Variants in ACOT7 observed in about 807,000 individuals in gnomAD.
The protein encoded by ACOT7 is acyl-CoA thioesterase 7, also known as cytosolic acyl coenzyme A thioester hydrolase.
A neutral mutation model predicts 40.2 loss-of-function variants in ACOT7; 12 were observed. The ratio of observed to expected loss-of-function variants is 0.30; its 90% CI spans 0.19 to 0.48. ACOT7 has a LOEUF of 0.48. Ranked by LOEUF, ACOT7 falls within the 20% of genes least tolerant of loss-of-function variation. ACOT7 has a pLI of 0.99. For missense variants in ACOT7, 395 were observed against 530.8 expected (o/e 0.74, Z 2.51); for synonymous variants, 228 against 219.5 (o/e 1.04, Z -0.34).
At chr1:6,372,907 A>C (rs778327689) in intron 1 of ACOT7, among the ~76,000 whole-genome samples, 4 of 152,102 alleles carry the variant, frequency 2.6e-5, no homozygotes, top group Non-Finnish European at 5.9e-5. Context: ...GGAACACTAG[A>C]GGTAGGGTAT....
In ACOT7 at chr1:6,358,625, C is replaced by T. The variant is rs535750703; in HGVS notation, c.144-8759G>A. ...AGGCCTGCACTTCCTATCCCAGCTT[C>T]GGCTGACCACCTAATCTTGGGGGTC... On this transcript the variant is annotated intron_variant, in intron 1 of 8. Coordinates refer to ENST00000361521, the MANE Select transcript of ACOT7 (RefSeq NM_007274.4). This position sits in a 1 kb window ranked among gnomAD's most constrained non-coding sequence, Gnocchi z 4.1. Among the ~76,000 whole-genome samples the T allele has an allele frequency of 5.9e-5, 9 of 152,320 alleles. No homozygotes were observed. The highest frequency in any genetic ancestry group is 2.0e-4 in the Admixed American group (3 of 15,310).
rs751402727 is a variant in ACOT7, at chr1:6,383,734, T to C, written c.143+9523A>G. 1.5e-4 allele frequency among the ~76,000 whole-genome samples: 23 copies of C among 151,540 alleles called. 1 individual carries two copies. The highest frequency in any genetic ancestry group is 1.5e-4 in the Non-Finnish European group (10 of 67,810). On this transcript the variant is annotated intron_variant, in intron 1 of 8. Transcript: ENST00000361521. ...TTTTTTTTTCTTTTGAGACGGAGTC[T>C]TGCTCCGTGGCCCAGGCTGGAGTGC...
At chr1:6,325,885 C>T (rs1166675503) in intron 5 of ACOT7, among the ~76,000 whole-genome samples, 6 of 152,198 alleles carry the variant, frequency 3.9e-5, no homozygotes, top group African/African-American at 4.8e-5. Flanking sequence ...GGGCGCCTCT[C>T]GGCAGGGCTA....
At chr1:6,287,645 C>G (rs2148387096) in intron 7 of ACOT7, among the ~76,000 whole-genome samples, 1 of 152,280 alleles carries the variant, frequency 6.6e-6, no homozygotes. Flanking sequence ...GGCAGGTACC[C>G]CAGCCTGACT....
In ACOT7 at chr1:6,385,539, C is replaced by T. The variant is rs1385443740; in HGVS notation, c.143+7718G>A. Reference sequence around the variant, plus strand: ...ACAGGGTGGGAGATCAGCCCTGGGCCCAACCACCTGGACGGGAGCGCAGCA... The same window carrying T: ...ACAGGGTGGGAGATCAGCCCTGGGCTCAACCACCTGGACGGGAGCGCAGCA... On this transcript the variant is annotated intron_variant, in intron 1 of 8. Coordinates refer to ENST00000361521, the MANE Select transcript of ACOT7 (RefSeq NM_007274.4). 2.5e-6 allele frequency: 4 copies of T among 1,612,204 alleles called. 1 individual carries two copies. Among genetic ancestry groups the T allele is most frequent in the Non-Finnish European group, 3.4e-6 (4 of 1,179,226 alleles).
chr1:6,334,187 G>A (rs542503346), intron 3 of ACOT7, among the ~76,000 whole-genome samples: 35 of 152,208 alleles, frequency 2.3e-4, no homozygotes, highest in Admixed American at 4.6e-4. Context: ...GGCTGAGCCC[G>A]CTTCACCTGC....
At chr1:6,308,754 G>A (rs1033372387) in intron 6 of ACOT7, among the ~76,000 whole-genome samples, 2 of 151,780 alleles carry the variant, frequency 1.3e-5, no homozygotes, top group African/African-American at 4.8e-5. Context: ...CAGGTGGAGA[G>A]AACTGCAACC....
chr1:6,385,633 C>T (rs775447654), intron 1 of ACOT7: 2 of 1,612,364 alleles, frequency 1.2e-6, no homozygotes, highest in Non-Finnish European at 1.7e-6. Flanking sequence ...CTCCCAAACT[C>T]ACAGAGCCGG....
intron 8 of ACOT7, among the ~76,000 whole-genome samples, chr1:6,279,691 G>A (rs917402409): frequency 4.6e-5 from 7 of 152,174 alleles, no homozygotes; most frequent in South Asian, 2.1e-4. Flanking sequence ...GGGAGAGGCC[G>A]GCACCCAACT....
intron 6 of ACOT7, among the ~76,000 whole-genome samples, chr1:6,312,031 A>C (rs1640345729): frequency 6.6e-6 from 1 of 152,154 alleles, no homozygotes. Flanking sequence ...ACATCACCTC[A>C]AGTGGAGGAG....
At chr1:6,285,294 G>A (rs1432830361) in intron 7 of ACOT7, among the ~76,000 whole-genome samples, 1 of 152,204 alleles carries the variant, frequency 6.6e-6, no homozygotes, top group Non-Finnish European at 1.5e-5. Flanking sequence ...AATCAGGAGT[G>A]CCCAGGAGCA....
chr1:6,349,823 C>T lies in ACOT7; in HGVS notation c.187G>A (p.Gly63Arg), dbSNP rs978376483. The T allele has an allele frequency of 3.8e-5, 61 of 1,614,020 alleles. No individual in the cohort carries two copies. Among genetic ancestry groups the T allele is most frequent in the Non-Finnish European group, 4.7e-5 (55 of 1,180,042 alleles). The change falls in exon 2 of 9, where the codon GGG (glycine) becomes AGG (arginine). Residue 63 changes from glycine (G) to arginine (R), a missense_variant. By Grantham distance (125) the Gly-to-Arg change is moderately radical (BLOSUM62 -2). Transcript: ENST00000361521. ...TCGATCATCTTCAGGATGGTCCCCC[C>T]GTGGACATTGCCGGCCACGTTGGCA... is the stretch of plus-strand genomic sequence containing the variant. ...DDANVAGNVH[G>R]GTILKMIEEA...
At chr1:6,390,488 CT>C (rs1642515534) in intron 1 of ACOT7, among the ~76,000 whole-genome samples, 1 of 152,042 alleles carries the variant, frequency 6.6e-6, no homozygotes, top group Non-Finnish European at 1.5e-5. Context: ...AGGAGAATCA[CT>C]TGAACAAAGG....
At chr1:6,304,704 G>T (rs1367329476) in intron 6 of ACOT7, among the ~76,000 whole-genome samples, 1 of 132,002 alleles carries the variant, frequency 7.6e-6, no homozygotes, top group Admixed American at 7.5e-5. Flanking sequence ...AGAGCACAGG[G>T]TTGGGGGTAA....
intron 1 of ACOT7, among the ~76,000 whole-genome samples, chr1:6,371,776 G>A (rs992534508): frequency 6.6e-6 from 1 of 151,912 alleles, no homozygotes; most frequent in Non-Finnish European, 1.5e-5. Flanking sequence ...AGGGCATAGG[G>A]GCTCACGCCT....
intron 1 of ACOT7, among the ~76,000 whole-genome samples, chr1:6,356,527 G>A (rs1641748821): frequency 2.6e-5 from 4 of 152,152 alleles, no homozygotes; most frequent in Non-Finnish European, 4.4e-5. Context: ...GGTGACCTTG[G>A]CAGCAGCCCT....
intron 7 of ACOT7, among the ~76,000 whole-genome samples, chr1:6,292,266 G>A (rs893492380): frequency 6.6e-6 from 1 of 152,234 alleles, no homozygotes; most frequent in African/African-American, 2.4e-5. Context: ...AGGAGGCCCC[G>A]GCCACAGCCG....
rs182955299 is a variant in ACOT7, at chr1:6,367,842, C to T, written c.144-17976G>A. 3.3e-4 allele frequency among the ~76,000 whole-genome samples: 51 copies of T among 152,286 alleles called. 1 individual carries two copies. In the South Asian group the frequency reaches 8.9e-3, roughly 27 times the overall value. ...TTCAGCCTCACCATTTGGCAGGTCC[C>T]GAGTTCTTGCCCTGTGACCAGGAAG... On this transcript the variant is annotated intron_variant, in intron 1 of 8. Transcript: ENST00000361521.
chr1:6,305,366 G>A (rs1190492523), intron 6 of ACOT7, among the ~76,000 whole-genome samples: 4 of 148,964 alleles, frequency 2.7e-5, no homozygotes, highest in Non-Finnish European at 3.0e-5. Context: ...GCGGCTGGCC[G>A]GGCGGGGGGC....
Sources: allele counts gnomAD v4.1 joint callset (sites outside exome capture counted in the v4.1 genomes callset), GRCh38; gene constraint gnomAD v4.1.1; non-coding constraint Gnocchi (gnomAD v3.1); transcripts MANE v1.5; gene names NCBI Gene and HGNC (gene_info 2026-07-23, HGNC 2026-07-21).